MICU1: variants seen among roughly 807,000 people sequenced by gnomAD.
MICU1 encodes mitochondrial calcium uptake 1, also known as calcium uptake protein 1, mitochondrial.
A neutral mutation model predicts 56.8 loss-of-function variants in MICU1; 45 were observed. The observed-to-expected ratio is 0.79, with a 90% CI of 0.62 to 1.02. The LOEUF (loss-of-function observed/expected upper bound fraction) is 1.02, where lower values mean the gene tolerates loss of function less well. Among genes scored for constraint, MICU1 ranks in the 50% least tolerant of loss-of-function variants. The pLI, the probability that MICU1 is intolerant of heterozygous loss-of-function variation, is 0.00. For missense variants in MICU1, 504 were observed against 587.1 expected (o/e 0.86, Z 1.46); for synonymous variants, 186 against 195.1 (o/e 0.95, Z 0.39).
At chr10:72,490,369 C>G (rs993348479) in intron 6 of MICU1, among the ~76,000 whole-genome samples, 3 of 152,034 alleles carry the variant, frequency 2.0e-5, no homozygotes, top group African/African-American at 7.3e-5. Flanking sequence ...ACACATAATA[C>G]TAAGAAAAAT....
intron 8 of MICU1, among the ~76,000 whole-genome samples, chr10:72,437,164 A>G (rs1005167469): frequency 2.0e-5 from 3 of 152,194 alleles, no homozygotes; most frequent in African/African-American, 7.2e-5. Flanking sequence ...TGAGTTACCC[A>G]CAAAGGGAGA....
At chr10:72,600,867 T>C (rs1291407858) in intron 1 of MICU1, among the ~76,000 whole-genome samples, 1 of 152,156 alleles carries the variant, frequency 6.6e-6, no homozygotes, top group Non-Finnish European at 1.5e-5. Flanking sequence ...TCTTAGAACA[T>C]ATCCCCCCGT....
At chr10:72,517,612 C>T (rs1185471135) in intron 5 of MICU1, among the ~76,000 whole-genome samples, 1 of 151,790 alleles carries the variant, frequency 6.6e-6, no homozygotes, top group African/African-American at 2.4e-5. Flanking sequence ...TGGACTTTGG[C>T]GACTCGGGGG....
intron 3 of MICU1, among the ~76,000 whole-genome samples, chr10:72,553,806 AT>A (rs1168791436): frequency 6.6e-6 from 1 of 152,210 alleles, no homozygotes; most frequent in Non-Finnish European, 1.5e-5. Flanking sequence ...CATTGGTAGA[AT>A]TTAGTATAGA....
At chr10:72,392,386 A>G (rs1863106939) in intron 10 of MICU1, among the ~76,000 whole-genome samples, 1 of 152,138 alleles carries the variant, frequency 6.6e-6, no homozygotes, top group Non-Finnish European at 1.5e-5. Context: ...CCTGGCCAAT[A>G]TAGTGAAACC....
chr10:72,546,770 G>C (rs1839902842), intron 4 of MICU1, among the ~76,000 whole-genome samples: 1 of 152,006 alleles, frequency 6.6e-6, no homozygotes, highest in Admixed American at 6.6e-5. Flanking sequence ...CTGTTGCCCA[G>C]GCTGGAGTAC....
At chr10:72,449,429 G>T (rs1171276498) in intron 8 of MICU1, among the ~76,000 whole-genome samples, 4 of 152,000 alleles carry the variant, frequency 2.6e-5, no homozygotes, top group Non-Finnish European at 5.9e-5. Context: ...GTAAAGACAG[G>T]GTCTCACTAT....
chr10:72,448,149 GTC>G (rs1422624933), intron 8 of MICU1, among the ~76,000 whole-genome samples: 69 of 123,614 alleles, frequency 5.6e-4, no homozygotes, highest in Middle Eastern at 4.3e-3. Flanking sequence ...GTGTGTGTGT[GTC>G]TGTGTGTGTG....
chr10:72,548,930 C>T (rs1839961572), intron 4 of MICU1, among the ~76,000 whole-genome samples: 1 of 152,284 alleles, frequency 6.6e-6, no homozygotes, highest in East Asian at 1.9e-4. Context: ...TGCCTAACCT[C>T]AAGAGATCTG....
chr10:72,578,894 C>T (rs1409313780), intron 1 of MICU1, among the ~76,000 whole-genome samples: 4 of 152,304 alleles, frequency 2.6e-5, no homozygotes, highest in South Asian at 2.1e-4. Context: ...TGTGAGTCAC[C>T]GCGCCCAGCC....
At chr10:72,615,158 C>T (rs953781421) in intron 1 of MICU1, among the ~76,000 whole-genome samples, 1 of 152,132 alleles carries the variant, frequency 6.6e-6, no homozygotes, top group African/African-American at 2.4e-5. Context: ...CACTCTGTTG[C>T]CTAGGCTAGA....
chr10:72,391,209 A>T (rs367667357), intron 10 of MICU1, among the ~76,000 whole-genome samples: 2 of 152,246 alleles, frequency 1.3e-5, no homozygotes, highest in African/African-American at 4.8e-5. Flanking sequence ...AGGCGGGTGG[A>T]TCACCTGAGG....
At chr10:72,433,744 T>C (rs1461199107) in intron 8 of MICU1, among the ~76,000 whole-genome samples, 1 of 152,248 alleles carries the variant, frequency 6.6e-6, no homozygotes, top group Non-Finnish European at 1.5e-5. Flanking sequence ...ACTTCTTTCA[T>C]TGGCTTATAT....
At chr10:72,463,028 G>T (rs1416570115) in intron 8 of MICU1, among the ~76,000 whole-genome samples, 2 of 151,130 alleles carry the variant, frequency 1.3e-5, no homozygotes, top group Non-Finnish European at 2.9e-5. Flanking sequence ...AAAGCTATCT[G>T]CAAATCAAAG....
intron 8 of MICU1, among the ~76,000 whole-genome samples, chr10:72,464,261 A>C (rs1865721010): frequency 7.2e-6 from 1 of 139,378 alleles, no homozygotes; most frequent in Non-Finnish European, 1.5e-5. Flanking sequence ...GTACCACTGC[A>C]CTCTAGCCGG....
chr10:72,540,267 CAAAAA>C (rs11287541), intron 4 of MICU1, among the ~76,000 whole-genome samples: 1 of 85,464 alleles, frequency 1.2e-5, no homozygotes, highest in Non-Finnish European at 2.3e-5. Context: ...AACTCCATCT[CAAAAA>C]AAAAAAAAAA....
intron 8 of MICU1, among the ~76,000 whole-genome samples, chr10:72,446,988 G>C (rs1865125869): frequency 6.6e-6 from 1 of 152,172 alleles, no homozygotes; most frequent in African/African-American, 2.4e-5. Context: ...AAAACTGTAA[G>C]TAAGTAATTC....
At chr10:72,498,857 C>T (rs1268697905) in intron 6 of MICU1, among the ~76,000 whole-genome samples, 5 of 152,124 alleles carry the variant, frequency 3.3e-5, no homozygotes, top group Admixed American at 3.3e-4. Flanking sequence ...ATATAGCATA[C>T]TCCTGACCAC....
intron 3 of MICU1, among the ~76,000 whole-genome samples, chr10:72,551,963 G>T (rs1378330146): frequency 6.6e-6 from 1 of 152,060 alleles, no homozygotes; most frequent in Non-Finnish European, 1.5e-5. Context: ...TAAAGGGATT[G>T]ATTTTACAGT....
Sources: allele counts gnomAD v4.1 joint callset (sites outside exome capture counted in the v4.1 genomes callset), GRCh38; gene constraint gnomAD v4.1.1; transcripts MANE v1.5; gene names NCBI Gene and HGNC (gene_info 2026-07-23, HGNC 2026-07-21).